Variants in PLD1 observed in about 807,000 individuals in gnomAD.
PLD1 encodes choline phosphatase 1.
Under a neutral mutation model 137.1 loss-of-function variants are expected in PLD1, and 112 were observed. The ratio of observed to expected loss-of-function variants is 0.82; its 90% CI spans 0.70 to 0.96. The LOEUF (loss-of-function observed/expected upper bound fraction) is 0.96. PLD1 is among the 40% of genes least tolerant of loss of function. The probability of loss-of-function intolerance (pLI) is 0.00; values close to 1 mark genes in which losing one functional copy is unlikely to be tolerated. For synonymous variants in PLD1, 431 were observed against 454.7 expected, an observed-to-expected ratio of 0.95 and a Z score of 0.66; for missense variants, 1,321 against 1,342.0, an observed-to-expected ratio of 0.98 and a Z score of 0.24.
rs368437168 is a variant in PLD1 at position 171,708,297 on chromosome 3, G to T, written c.1145+458C>A. Among the ~76,000 whole-genome samples the T allele has an allele frequency of 7.2e-5, 11 of 152,262 alleles. 1 individual carries two copies. The highest frequency in any genetic ancestry group is 2.6e-4 in the African/African-American group (11 of 41,560). The stretch of plus-strand genomic sequence containing the variant: ...AAAGTTGAAACCGGATGTATCTCTA[G>T]AACAGCTGACCAGGCCTAGTCATTA... On this transcript the variant is annotated intron_variant, in intron 11 of 26. Transcript: ENST00000351298.
At chr3:171,744,075 G>A (rs536715454) in intron 1 of PLD1, among the ~76,000 whole-genome samples, 43 of 152,304 alleles carry the variant, frequency 2.8e-4, no homozygotes, top group African/African-American at 8.2e-4. Flanking sequence ...GGCTGCCAAC[G>A]CAATCACAGC....
chr3:171,801,008 C>A (rs1723623084), intron 1 of PLD1, among the ~76,000 whole-genome samples: 1 of 152,218 alleles, frequency 6.6e-6, no homozygotes, highest in Non-Finnish European at 1.5e-5. Context: ...TACCACTGTA[C>A]TGCCCTGAAA....
chr3:171,643,085 T>G, intron 22 of PLD1, 196 bp from the exon 23 acceptor site: 1 of 426,130 alleles, frequency 2.3e-6, no homozygotes, highest in Non-Finnish European at 4.1e-6. Context: ...GACATGATAG[T>G]TGTTTTGAGG....
At chr3:171,782,157 A>G (rs1247985720) in intron 1 of PLD1, among the ~76,000 whole-genome samples, 2 of 152,322 alleles carry the variant, frequency 1.3e-5, no homozygotes, top group African/African-American at 4.8e-5. Flanking sequence ...GTATGATTCA[A>G]TTTTGTTAAT....
chr3:171,765,690 G>T (rs1721938121), intron 1 of PLD1, among the ~76,000 whole-genome samples: 1 of 152,158 alleles, frequency 6.6e-6, no homozygotes, highest in South Asian at 2.1e-4. Context: ...GGAAGGGGAA[G>T]TATGAAGTCA....
intron 21 of PLD1, among the ~76,000 whole-genome samples, chr3:171,646,370 T>C (rs1034524077): frequency 6.6e-6 from 1 of 152,208 alleles, no homozygotes; most frequent in Admixed American, 6.5e-5. Context: ...TTATCAGTAC[T>C]CTTTGGGGGA....
intron 16 of PLD1, among the ~76,000 whole-genome samples, chr3:171,683,398 AC>A (rs1714212428): frequency 6.6e-6 from 1 of 151,652 alleles, no homozygotes; most frequent in Non-Finnish European, 1.5e-5. Flanking sequence ...CACATAACCC[AC>A]CCCAGCCCAC....
chr3:171,739,424 A>T (rs1027073837), intron 1 of PLD1, among the ~76,000 whole-genome samples: 3 of 152,170 alleles, frequency 2.0e-5, no homozygotes, highest in African/African-American at 7.2e-5. Context: ...CATATATCTA[A>T]GTTCCCTGGA....
intron 13 of PLD1, among the ~76,000 whole-genome samples, chr3:171,689,783 T>C (rs1265327997): frequency 6.6e-6 from 1 of 152,242 alleles, no homozygotes; most frequent in East Asian, 1.9e-4. Flanking sequence ...ACTACATGCA[T>C]GAGCCACCAT....
intron 1 of PLD1, among the ~76,000 whole-genome samples, chr3:171,772,756 A>G (rs1178922752): frequency 1.3e-5 from 2 of 152,224 alleles, no homozygotes; most frequent in East Asian, 3.8e-4. Flanking sequence ...CGAGCACATT[A>G]ATGTCACATT....
At chr3:171,760,898 T>G (rs1578428879) in intron 1 of PLD1, among the ~76,000 whole-genome samples, 1 of 152,232 alleles carries the variant, frequency 6.6e-6, no homozygotes, top group African/African-American at 2.4e-5. Flanking sequence ...GCATTGTTAA[T>G]GGAGACACCA....
At chr3:171,723,978 A>G (rs1718324117) in intron 8 of PLD1, among the ~76,000 whole-genome samples, 1 of 152,028 alleles carries the variant, frequency 6.6e-6, no homozygotes, top group Admixed American at 6.6e-5. Flanking sequence ...TATTCCTTTT[A>G]TGGCTGGATA....
intron 21 of PLD1, among the ~76,000 whole-genome samples, chr3:171,652,654 T>G (rs923492651): frequency 1.3e-5 from 2 of 151,572 alleles, no homozygotes; most frequent in Admixed American, 1.3e-4. Flanking sequence ...CAGGCTGGAG[T>G]GCAGTGGTGC....
At chr3:171,618,668 A>G (rs1733317259) in intron 24 of PLD1, among the ~76,000 whole-genome samples, 1 of 152,134 alleles carries the variant, frequency 6.6e-6, no homozygotes, top group Non-Finnish European at 1.5e-5. Flanking sequence ...ATAGGCCAGG[A>G]GATAAAAGAA....
chr3:171,646,091 T>TG (rs1265694297), intron 21 of PLD1, among the ~76,000 whole-genome samples: 1 of 152,072 alleles, frequency 6.6e-6, no homozygotes. Flanking sequence ...ATCAGAAATT[T>TG]GAAGTATGCT....
intron 24 of PLD1, among the ~76,000 whole-genome samples, chr3:171,615,726 T>C (rs1733048628): frequency 6.6e-6 from 1 of 152,248 alleles, no homozygotes; most frequent in African/African-American, 2.4e-5. Flanking sequence ...TTCTTTTCCT[T>C]GAATGAACAC....
At chr3:171,725,561 C>G (rs180951588) in intron 7 of PLD1, among the ~76,000 whole-genome samples, 1 of 152,290 alleles carries the variant, frequency 6.6e-6, no homozygotes, top group Non-Finnish European at 1.5e-5. Flanking sequence ...AAGTTAAGCT[C>G]TTTATGTTTT....
intron 1 of PLD1, among the ~76,000 whole-genome samples, chr3:171,775,672 G>C (rs1312349821): frequency 6.6e-6 from 1 of 151,982 alleles, no homozygotes; most frequent in East Asian, 1.9e-4. Context: ...GTGAAACCCC[G>C]TCTCTACTAA....
intron 1 of PLD1, among the ~76,000 whole-genome samples, chr3:171,755,113 C>T (rs568446412): frequency 6.6e-6 from 1 of 152,246 alleles, no homozygotes; most frequent in African/African-American, 2.4e-5. Flanking sequence ...GAACTATCTG[C>T]CTTCTTGGCA....
Sources: gnomAD v4.1 joint callset for allele counts (sites outside exome capture counted in the v4.1 genomes callset) on GRCh38, gnomAD v4.1.1 for gene constraint, MANE v1.5 for transcripts, NCBI Gene and HGNC (gene_info 2026-07-23, HGNC 2026-07-21) for gene names.